SLC14A2: variants seen among roughly 807,000 people sequenced by gnomAD.
SLC14A2 encodes solute carrier family 14 member 2, also known as urea transporter 2.
Under a neutral mutation model 104.6 loss-of-function variants are expected in SLC14A2, and 91 were observed. That is an observed-to-expected ratio of 0.87 (90% CI 0.73 to 1.04). The LOEUF (loss-of-function observed/expected upper bound fraction) is 1.04. SLC14A2 is among the 50% of genes least tolerant of loss of function. The pLI, the probability that SLC14A2 is intolerant of heterozygous loss-of-function variation, is 0.00. For synonymous variants in SLC14A2, 476 were observed against 466.4 expected (o/e 1.02, Z -0.27); for missense variants, 1,189 against 1,156.0 (o/e 1.03, Z -0.41).
intron 5 of SLC14A2, among the ~76,000 whole-genome samples, chr18:45,632,912 C>T (rs1279609678): frequency 6.6e-6 from 1 of 152,248 alleles, no homozygotes; most frequent in Non-Finnish European, 1.5e-5. Flanking sequence ...CTCCTGACCT[C>T]GTGATCCACC....
intron 2 of SLC14A2, among the ~76,000 whole-genome samples, chr18:45,484,225 A>G (rs1483188071): frequency 3.3e-5 from 5 of 152,180 alleles, no homozygotes; most frequent in Non-Finnish European, 7.3e-5. Context: ...GAAAATGAAG[A>G]TGACACCCCC....
At chr18:45,356,703 A>C (rs723007) in intron 1 of SLC14A2, among the ~76,000 whole-genome samples, 71,847 of 152,084 alleles carry the variant, frequency 0.47, 20,658 homozygotes, top group African/African-American at 0.82. Flanking sequence ...GTGCTCAAAC[A>C]TGGCTGGCGG....
At chr18:45,678,793 A>G (rs1376215030) in intron 18 of SLC14A2, among the ~76,000 whole-genome samples, 182 bp from the exon 19 acceptor site, 2 of 152,200 alleles carry the variant, frequency 1.3e-5, no homozygotes, top group Non-Finnish European at 2.9e-5. Flanking sequence ...CTGCACCAGC[A>G]TTTGCATGGA....
At chr18:45,487,782 G>C (rs554269795) in intron 2 of SLC14A2, among the ~76,000 whole-genome samples, 24 of 152,296 alleles carry the variant, frequency 1.6e-4, no homozygotes, top group Admixed American at 1.4e-3. Context: ...GTTATCAAGA[G>C]GGGCTGAGAC....
intron 1 of SLC14A2, among the ~76,000 whole-genome samples, chr18:45,415,294 C>G (rs2144503591): frequency 6.6e-6 from 1 of 152,210 alleles, no homozygotes; most frequent in East Asian, 1.9e-4. Context: ...TCCTCATTCT[C>G]TCCAATTTTA....
At chr18:45,191,413 T>C in the SLC14A2 span, among the ~76,000 whole-genome samples, 1 of 152,198 alleles carries the variant, frequency 6.6e-6, no homozygotes, top group African/African-American at 2.4e-5. Context: ...TTCCTGGGGT[T>C]CCAGAAGAAT....
At chr18:45,410,226 C>A (rs560639209) in intron 1 of SLC14A2, among the ~76,000 whole-genome samples, 1 of 152,110 alleles carries the variant, frequency 6.6e-6, no homozygotes, top group East Asian at 1.9e-4. Context: ...ACTTGCCCGC[C>A]GCTCATCTTC....
chr18:45,569,498 C>T (rs2044316247), intron 2 of SLC14A2, among the ~76,000 whole-genome samples: 1 of 152,188 alleles, frequency 6.6e-6, no homozygotes, highest in Admixed American at 6.5e-5. Context: ...AAAAGCAACT[C>T]AAGGTATATT....
intron 1 of SLC14A2, among the ~76,000 whole-genome samples, chr18:45,434,244 G>A (rs1251002367): frequency 2.6e-5 from 4 of 152,126 alleles, no homozygotes; most frequent in Admixed American, 6.5e-5. Flanking sequence ...CAGCCACAAA[G>A]CCGGTCCTTA....
chr18:45,367,927 T>G (rs184268487), intron 1 of SLC14A2, among the ~76,000 whole-genome samples: 49 of 152,266 alleles, frequency 3.2e-4, no homozygotes, highest in African/African-American at 1.2e-3. Flanking sequence ...CTTAATGTTC[T>G]TTTTGATTAA....
At position 45,644,280 on chromosome 18, in the gene SLC14A2, T is replaced by C. The variant is rs928612689; in HGVS notation, c.1351+120T>C. The C allele has an allele frequency of 4.3e-6, 4 of 921,204 alleles. No homozygotes were observed. In the African/African-American group the frequency reaches 6.6e-5, roughly 15 times the overall value. 57.1% of individuals were successfully genotyped at this position (921,204 alleles called of 1,614,324 possible). A position where few individuals can be genotyped will look rare whatever the true frequency, so the allele number is the denominator to read the frequency against. On this transcript the variant is annotated intron_variant, in intron 10 of 19. Coordinates refer to ENST00000255226, the MANE Select transcript of SLC14A2 (RefSeq NM_007163.4). Reference sequence around the variant, plus strand: ...CCTTCTTTGCCTCTCCTTGCACCTGTGTAGAACCAAGCACACCTGTAACTT... The same window carrying C: ...CCTTCTTTGCCTCTCCTTGCACCTGCGTAGAACCAAGCACACCTGTAACTT...
At chr18:45,448,672 T>G (rs2086810024) in intron 1 of SLC14A2, among the ~76,000 whole-genome samples, 1 of 152,126 alleles carries the variant, frequency 6.6e-6, no homozygotes, top group South Asian at 2.1e-4. Flanking sequence ...TGACAGCTCC[T>G]CCCTCTAACT....
At chr18:45,582,823 C>G (rs1268994172) in intron 2 of SLC14A2, among the ~76,000 whole-genome samples, 2 of 152,120 alleles carry the variant, frequency 1.3e-5, no homozygotes, top group Non-Finnish European at 2.9e-5. Context: ...CTGGGAATTT[C>G]AAAGTTACCC....
intron 2 of SLC14A2, among the ~76,000 whole-genome samples, chr18:45,571,126 G>A (rs2044339349): frequency 6.6e-6 from 1 of 152,180 alleles, no homozygotes; most frequent in Admixed American, 6.5e-5. Flanking sequence ...CCTGAAGACT[G>A]ATTAACTCCC....
At chr18:45,262,558 A>G (rs1056667351) in intron 1 of SLC14A2, among the ~76,000 whole-genome samples, 2 of 152,162 alleles carry the variant, frequency 1.3e-5, no homozygotes, top group Non-Finnish European at 2.9e-5. Flanking sequence ...CACACCTACA[A>G]TAGAAAGGAT....
intron 1 of SLC14A2, among the ~76,000 whole-genome samples, chr18:45,410,192 G>A (rs1478365411): frequency 6.6e-6 from 1 of 152,162 alleles, no homozygotes; most frequent in East Asian, 1.9e-4. Context: ...GGGAGTGGCT[G>A]TCAATACAGA....
intron 2 of SLC14A2, among the ~76,000 whole-genome samples, chr18:45,520,705 A>G (rs1042082715): frequency 1.3e-5 from 2 of 152,134 alleles, no homozygotes; most frequent in Non-Finnish European, 2.9e-5. Flanking sequence ...GCATCAGAAA[A>G]TGTGGGTTCT....
At chr18:45,651,139 A>G (rs1251752297) in intron 10 of SLC14A2, among the ~76,000 whole-genome samples, 1 of 152,206 alleles carries the variant, frequency 6.6e-6, no homozygotes, top group Non-Finnish European at 1.5e-5. Flanking sequence ...AACTGTAAAC[A>G]GTCCTGAGAA....
the SLC14A2 span, among the ~76,000 whole-genome samples, chr18:45,196,073 G>A: frequency 3.3e-5 from 5 of 152,188 alleles, no homozygotes; most frequent in Non-Finnish European, 5.9e-5. Context: ...TTACAGTTCG[G>A]CTTTTGCCTT....
Sources: gnomAD v4.1 joint callset for allele counts (sites outside exome capture counted in the v4.1 genomes callset) on GRCh38, gnomAD v4.1.1 for gene constraint, MANE v1.5 for transcripts, NCBI Gene and HGNC (gene_info 2026-07-23, HGNC 2026-07-21) for gene names.